Variants in TUSC3 observed in about 807,000 individuals in gnomAD.
TUSC3 encodes the protein dolichyl-diphosphooligosaccharide--protein glycosyltransferase subunit TUSC3.
In TUSC3, 45 loss-of-function variants were observed where a neutral mutation model predicts 44.8. That is an observed-to-expected ratio of 1.00 (90% CI 0.79 to 1.29). The LOEUF (loss-of-function observed/expected upper bound fraction) is 1.29, where lower values mean the gene tolerates loss of function less well. TUSC3 is among the 50% of genes most tolerant of loss of function. TUSC3 has a pLI of 0.00. For missense variants in TUSC3, 519 were observed against 437.9 expected, an observed-to-expected ratio of 1.19 and a Z score of -1.65; for synonymous variants, 212 against 152.9, an observed-to-expected ratio of 1.39 and a Z score of -2.85.
At chr8:15,531,081 C>G (rs749518026) in intron 2 of TUSC3, among the ~76,000 whole-genome samples, 1 of 152,060 alleles carries the variant, frequency 6.6e-6, no homozygotes, top group Non-Finnish European at 1.5e-5. Context: ...ACTAGTAGGC[C>G]GCTGTGCATG....
the TUSC3 span, among the ~76,000 whole-genome samples, chr8:15,838,700 T>A: frequency 6.6e-6 from 1 of 152,202 alleles, no homozygotes; most frequent in African/African-American, 2.4e-5. Flanking sequence ...GGCCCTGTTC[T>A]GTTCCATTGG....
At chr8:15,508,914 T>C (rs1292855124) in intron 2 of TUSC3, among the ~76,000 whole-genome samples, 2 of 152,204 alleles carry the variant, frequency 1.3e-5, no homozygotes, top group Non-Finnish European at 2.9e-5. Flanking sequence ...ATTATTACTG[T>C]CTCCAGTTTA....
intron 1 of TUSC3, among the ~76,000 whole-genome samples, chr8:15,606,998 C>G (rs1804557374): frequency 6.6e-6 from 1 of 151,726 alleles, no homozygotes; most frequent in Non-Finnish European, 1.5e-5. Flanking sequence ...ATATTTTAAT[C>G]CAGTTAATAT....
At chr8:15,780,793 G>A in the TUSC3 span, among the ~76,000 whole-genome samples, 1 of 152,144 alleles carries the variant, frequency 6.6e-6, no homozygotes, top group African/African-American at 2.4e-5. Flanking sequence ...CACCTGAGGG[G>A]CTAGCTGCAT....
the TUSC3 span, among the ~76,000 whole-genome samples, chr8:15,792,612 G>T: frequency 1.3e-5 from 2 of 151,526 alleles, no homozygotes; most frequent in South Asian, 2.1e-4. Flanking sequence ...TTTTCTTTTC[G>T]TTTTTTTGTT....
intron 1 of TUSC3, among the ~76,000 whole-genome samples, chr8:15,541,911 G>C (rs1465120407): frequency 6.6e-6 from 1 of 151,534 alleles, no homozygotes; most frequent in Non-Finnish European, 1.5e-5. Context: ...AAATTGTGAT[G>C]TTTTATCTCC....
At chr8:15,468,075 T>A (rs184407342) in intron 1 of TUSC3, among the ~76,000 whole-genome samples, 3 of 152,314 alleles carry the variant, frequency 2.0e-5, no homozygotes, top group African/African-American at 7.2e-5. Flanking sequence ...ATCAGGTACA[T>A]CTTAGAGCTC....
At position 15,512,010 on chromosome 8, in the gene TUSC3, C is replaced by T. The variant is rs370665388; in HGVS notation, n.189+28527C>T. 3.2e-4 allele frequency among the ~76,000 whole-genome samples: 48 copies of T among 152,242 alleles called. No individual in the cohort carries two copies. In the Middle Eastern group the frequency reaches 0.014, roughly 43 times the overall value. On this transcript the variant is annotated intron_variant and non_coding_transcript_variant, in intron 2 of 5. Transcript: ENST00000503191. ...GTAAGCGTGTTTAGAAATTGACAAG[C>T]TGATTCTAAAGTTCATATGGAAATG...
chr8:15,688,430 C>CTT (rs11383982), intron 6 of TUSC3, among the ~76,000 whole-genome samples: 75,283 of 140,968 alleles, frequency 0.53, 20,504 homozygotes, highest in East Asian at 0.68. Flanking sequence ...CTTCAGTATT[C>CTT]TTTTTTTTTT....
chr8:15,494,320 C>CTTT (rs71211045), intron 2 of TUSC3, among the ~76,000 whole-genome samples: 28,627 of 136,438 alleles, frequency 0.21, 4,032 homozygotes, highest in Non-Finnish European at 0.3. Context: ...CTCTCATCTT[C>CTTT]TTTTTTTTTT....
chr8:15,477,320 G>A (rs1368172388), intron 1 of TUSC3, among the ~76,000 whole-genome samples: 1 of 152,204 alleles, frequency 6.6e-6, no homozygotes, highest in East Asian at 1.9e-4. Flanking sequence ...AAGAAACTTT[G>A]CCTATAACCT....
In TUSC3 at chr8:15,748,421, T is replaced by C; in HGVS notation, c.984T>C (p.Phe328=). ...GLGLVVFFFS[F]LLSIFRSKYH... is the part of the protein sequence containing the mutation. ...GCCTGGTGGTCTTCTTCTTCAGTTT[T>C]CTACTTTCAATATTTCGTTCCAAGT... is the stretch of plus-strand genomic sequence containing the variant. Residue 328 remains phenylalanine, a synonymous_variant, in exon 9 of 11, where the codon TTT becomes TTC. Coordinates refer to ENST00000503731, the MANE Select transcript of TUSC3 (RefSeq NM_006765.4). 1.2e-6 allele frequency: 2 copies of C among 1,613,586 alleles called. No individual in the cohort carries two copies. Among genetic ancestry groups the C allele is most frequent in the Non-Finnish European group, 1.7e-6 (2 of 1,179,616 alleles).
At chr8:15,772,793 T>C in the TUSC3 span, among the ~76,000 whole-genome samples, 2 of 152,228 alleles carry the variant, frequency 1.3e-5, no homozygotes, top group South Asian at 2.1e-4. Context: ...CTAAAAGTTT[T>C]ATACAGCATG....
intron 1 of TUSC3, among the ~76,000 whole-genome samples, chr8:15,583,214 C>T (rs1238545571): frequency 6.6e-6 from 1 of 152,132 alleles, no homozygotes; most frequent in African/African-American, 2.4e-5. Flanking sequence ...CTTTAGAAAT[C>T]TTTTTAAAGC....
chr8:15,448,117 A>ATATATATTTATTTATT (rs1276079521), intron 1 of TUSC3, among the ~76,000 whole-genome samples: 1 of 93,782 alleles, frequency 1.1e-5, no homozygotes, highest in Non-Finnish European at 2.2e-5. Context: ...ACATATATAT[A>ATATATATTTATTTATT]TATTTATTTA....
chr8:15,657,704 C>A (rs1358695561), intron 3 of TUSC3, among the ~76,000 whole-genome samples: 1 of 152,166 alleles, frequency 6.6e-6, no homozygotes, highest in South Asian at 2.1e-4. Context: ...CTTTCAGTCT[C>A]TACCCATTAT....
the TUSC3 span, among the ~76,000 whole-genome samples, chr8:15,820,827 CTT>C: frequency 6.6e-6 from 1 of 152,250 alleles, no homozygotes; most frequent in African/African-American, 2.4e-5. Context: ...ACTTTTCCCT[CTT>C]ATGTTTTTTA....
intron 2 of TUSC3, among the ~76,000 whole-genome samples, chr8:15,503,435 T>G (rs1416293401): frequency 6.6e-6 from 1 of 152,162 alleles, no homozygotes; most frequent in African/African-American, 2.4e-5. Context: ...TTCTGGATAC[T>G]TCTAGGACCT....
At chr8:15,685,002 C>T (rs1808571360) in intron 6 of TUSC3, among the ~76,000 whole-genome samples, 1 of 152,204 alleles carries the variant, frequency 6.6e-6, no homozygotes, top group Admixed American at 6.5e-5. Context: ...GGTGGCCCTG[C>T]TCTCTTGCAG....
Sources: gnomAD v4.1 joint callset for allele counts (sites outside exome capture counted in the v4.1 genomes callset) on GRCh38, gnomAD v4.1.1 for gene constraint, MANE v1.5 for transcripts, NCBI Gene and HGNC (gene_info 2026-07-23, HGNC 2026-07-21) for gene names.